WLS: variants seen among roughly 807,000 people sequenced by gnomAD.
WLS encodes protein wntless homolog.
Under a neutral mutation model 62.8 loss-of-function variants are expected in WLS, and 23 were observed. That is an observed-to-expected ratio of 0.37 (90% CI 0.26 to 0.52). The LOEUF (loss-of-function observed/expected upper bound fraction) is 0.52, where lower values mean the gene tolerates loss of function less well. Among genes scored for constraint, WLS ranks in the 20% least tolerant of loss-of-function variants. WLS has a pLI of 0.92. For synonymous variants in WLS, 246 were observed against 244.1 expected (o/e 1.01, Z -0.07); for missense variants, 615 against 697.3 (o/e 0.88, Z 1.33).
At chr1:68,193,676 T>A (rs1162995975) in intron 2 of WLS, among the ~76,000 whole-genome samples, 1 of 152,034 alleles carries the variant, frequency 6.6e-6, no homozygotes, top group African/African-American at 2.4e-5. Flanking sequence ...GAGTCAGAAA[T>A]CTCAGCTTTT....
chr1:68,179,992 C>G (rs2100564249), intron 2 of WLS, among the ~76,000 whole-genome samples: 1 of 151,848 alleles, frequency 6.6e-6, no homozygotes, highest in South Asian at 2.1e-4. Context: ...GGCCAGTTGC[C>G]CATTCAGTAG....
chr1:68,228,863 A>AAAAAAAAG (rs1650278416), intron 1 of WLS, among the ~76,000 whole-genome samples: 1 of 145,166 alleles, frequency 6.9e-6, no homozygotes, highest in African/African-American at 2.5e-5. Context: ...AAAAAAAAAA[A>AAAAAAAAG]AAAAAAAGCA....
intron 2 of WLS, among the ~76,000 whole-genome samples, chr1:68,181,736 A>G (rs1647584942): frequency 6.6e-6 from 1 of 152,216 alleles, no homozygotes; most frequent in South Asian, 2.1e-4. Flanking sequence ...CGAGTACCAC[A>G]GAGTTCAAGC....
At chr1:68,120,274 A>G (rs1646347466) in intron 11 of WLS, among the ~76,000 whole-genome samples, 1 of 152,186 alleles carries the variant, frequency 6.6e-6, no homozygotes, top group Admixed American at 6.5e-5. Context: ...AACTTACTGA[A>G]AAGCAATAAT....
intron 11 of WLS, among the ~76,000 whole-genome samples, chr1:68,104,248 C>G (rs556220228): frequency 2.0e-5 from 3 of 151,888 alleles, no homozygotes; most frequent in Admixed American, 2.0e-4. Context: ...AAAAGTCACA[C>G]GAAACTCTTC....
chr1:68,173,936 C>T (rs1647191993), intron 2 of WLS, among the ~76,000 whole-genome samples: 3 of 152,050 alleles, frequency 2.0e-5, no homozygotes, highest in Non-Finnish European at 2.9e-5. Flanking sequence ...TAGCCTGGGG[C>T]ATTTAAAAAA....
chr1:68,134,536 A>G (rs922699007), intron 11 of WLS, among the ~76,000 whole-genome samples: 14 of 152,208 alleles, frequency 9.2e-5, no homozygotes, highest in African/African-American at 3.4e-4. Context: ...CAGAGGGTCT[A>G]CTTGGCATTT....
chr1:68,132,490 G>A (rs1646541614), intron 11 of WLS, among the ~76,000 whole-genome samples: 1 of 152,178 alleles, frequency 6.6e-6, no homozygotes, highest in African/African-American at 2.4e-5. Context: ...AGGCAACAAA[G>A]CCAAAGCCAT....
chr1:68,210,214 G>A (rs1649457539), intron 1 of WLS, among the ~76,000 whole-genome samples: 1 of 152,212 alleles, frequency 6.6e-6, no homozygotes, highest in African/African-American at 2.4e-5. Context: ...TGCCATGGTA[G>A]CAGAGGTAAA....
chr1:68,144,323 GC>G (rs1646725098), intron 10 of WLS, among the ~76,000 whole-genome samples: 1 of 152,132 alleles, frequency 6.6e-6, no homozygotes, highest in African/African-American at 2.4e-5. Context: ...TAAAATATGT[GC>G]CCTTCAATCT....
chr1:68,124,366 T>G (rs1004582684), downstream of WLS, among the ~76,000 whole-genome samples: 7 of 152,204 alleles, frequency 4.6e-5, no homozygotes, highest in East Asian at 1.2e-3. Flanking sequence ...CATCTGCTAT[T>G]TCCATTCCTA....
At chr1:68,157,959 A>G (rs2100493761) in intron 3 of WLS, among the ~76,000 whole-genome samples, 1 of 152,262 alleles carries the variant, frequency 6.6e-6, no homozygotes, top group East Asian at 1.9e-4. Context: ...AAGGTTTTTA[A>G]TTTTCTTGGT....
At position 68,126,331 on chromosome 1, in the gene WLS, A is replaced by G. The variant is rs531360799; in HGVS notation, c.1521T>C (p.Asp507=). 2 of 1,614,074 alleles carry G rather than the reference A, an allele frequency of 1.2e-6. No individual in the cohort carries two copies. Among genetic ancestry groups the G allele is most frequent in the Non-Finnish European group, 1.7e-6 (2 of 1,180,024 alleles). The change falls in exon 12 of 12, where the codon GAT becomes GAC. Residue 507 remains aspartate (D), a synonymous_variant. Coordinates refer to ENST00000262348, the MANE Select transcript of WLS (RefSeq NM_024911.7). ...KNYGEDQSNG[D]LGVHSGEELQ... ...GTTCTTCCCCACTATGGACACCCAG[A>G]TCGCCTGAAACAGGGTTTTCGGTGT...
intron 1 of WLS, among the ~76,000 whole-genome samples, chr1:68,221,683 C>A (rs1035685405): frequency 1.3e-5 from 2 of 152,138 alleles, no homozygotes; most frequent in East Asian, 3.9e-4. Flanking sequence ...TGGAACGTAA[C>A]TTTTTTAGTG....
chr1:68,161,247 T>G (rs1257070661), intron 2 of WLS, among the ~76,000 whole-genome samples: 2 of 152,196 alleles, frequency 1.3e-5, no homozygotes, highest in Non-Finnish European at 2.9e-5. Flanking sequence ...TTCAATCCTA[T>G]GCGAGCAAGT....
chr1:68,145,792 A>G, intron 9 of WLS, 77 bp downstream of exon 9: 1 of 1,562,934 alleles, frequency 6.4e-7, no homozygotes, highest in Non-Finnish European at 8.7e-7. Flanking sequence ...TTCTATCTCC[A>G]GGGTGTGTGT....
chr1:68,205,498 C>G (rs1649244135), intron 1 of WLS, among the ~76,000 whole-genome samples: 1 of 152,176 alleles, frequency 6.6e-6, no homozygotes, highest in African/African-American at 2.4e-5. Flanking sequence ...AACAGGTTCT[C>G]AAAGCCAGGA....
At chr1:68,201,955 T>A (rs994139407) in intron 1 of WLS, 1 of 152,250 alleles carries the variant, frequency 6.6e-6, no homozygotes, top group Non-Finnish European at 1.5e-5. Context: ...AAATATCATA[T>A]GTTTACATTT....
intron 1 of WLS, among the ~76,000 whole-genome samples, chr1:68,199,280 C>T (rs891162648): frequency 2.0e-5 from 3 of 152,170 alleles, no homozygotes; most frequent in Non-Finnish European, 4.4e-5. Flanking sequence ...CTCCCAGACC[C>T]CCATTTGCTC....
Sources: gnomAD v4.1 joint callset for allele counts (sites outside exome capture counted in the v4.1 genomes callset) on GRCh38, gnomAD v4.1.1 for gene constraint, MANE v1.5 for transcripts, NCBI Gene and HGNC (gene_info 2026-07-23, HGNC 2026-07-21) for gene names.